GPNMB: variants seen among roughly 807,000 people sequenced by gnomAD.
GPNMB encodes the protein glycoprotein nmb, also known as transmembrane glycoprotein NMB.
In GPNMB, 71 loss-of-function variants were observed where a neutral mutation model predicts 57.3. The ratio of observed to expected loss-of-function variants is 1.24; its 90% CI spans 1.02 to 1.51. GPNMB has a LOEUF of 1.51. Ranked by LOEUF, GPNMB falls within the 40% of genes most tolerant of loss-of-function variation. GPNMB has a pLI of 0.00. For synonymous variants in GPNMB, 253 were observed against 263.2 expected, an observed-to-expected ratio of 0.96 and a Z score of 0.38; for missense variants, 677 against 691.9, an observed-to-expected ratio of 0.98 and a Z score of 0.24.
In GPNMB at chr7:23,260,479, A is replaced by G; in HGVS notation, c.724A>G (p.Met242Val). 1.2e-6 allele frequency: 2 copies of G among 1,613,050 alleles called. No individual in the cohort carries two copies. The highest frequency in any genetic ancestry group is 1.1e-5 in the South Asian group (1 of 90,984). The change falls in exon 6 of 11, where the codon ATG becomes GTG. Residue 242 changes from methionine to valine, a missense_variant. Met to Val is a conservative substitution (Grantham distance 21). Coordinates refer to ENST00000258733, the MANE Select transcript of GPNMB (RefSeq NM_002510.3). Reference protein sequence around the residue: ...VTDQIPVFVTMFQKNDRNSSD... With the variant: ...VTDQIPVFVTVFQKNDRNSSD... ...AGATCAGATTCCTGTGTTTGTGACT[A>G]TGTTCCAGAAGAACGATCGAAATTC...
intron 1 of GPNMB, among the ~76,000 whole-genome samples, chr7:23,252,615 G>A (rs897587001): frequency 3.3e-5 from 5 of 152,132 alleles, no homozygotes; most frequent in Admixed American, 2.0e-4. Context: ...AATACATACA[G>A]CAAAAACTGG....
chr7:23,248,619 C>T (rs1782591279), intron 1 of GPNMB, among the ~76,000 whole-genome samples: 1 of 152,116 alleles, frequency 6.6e-6, no homozygotes, highest in African/African-American at 2.4e-5. Context: ...AGCCCAGCCA[C>T]CACCTCTCTG....
chr7:23,255,762 A>C (rs1364579392), intron 3 of GPNMB, among the ~76,000 whole-genome samples: 2 of 152,160 alleles, frequency 1.3e-5, no homozygotes, highest in Non-Finnish European at 2.9e-5. Flanking sequence ...TTATTGATAC[A>C]TGATAATCAT....
At chr7:23,263,447 A>G (rs1237957792) in intron 6 of GPNMB, among the ~76,000 whole-genome samples, 1 of 151,932 alleles carries the variant, frequency 6.6e-6, no homozygotes, top group African/African-American at 2.4e-5. Flanking sequence ...CCCCGTCTCT[A>G]CCGAAAATAT....
chr7:23,270,072 G>A lies in GPNMB; in HGVS notation c.1326G>A (p.Val442=), dbSNP rs1450845361. The A allele has an allele frequency of 1.4e-5, 23 of 1,613,950 alleles. No individual in the cohort carries two copies. Among genetic ancestry groups the A allele is most frequent in the Non-Finnish European group, 1.9e-5 (23 of 1,179,980 alleles). Residue 442 remains valine, a synonymous_variant, in exon 9 of 11, where the codon GTG becomes GTA. Coordinates refer to ENST00000258733, the MANE Select transcript of GPNMB (RefSeq NM_002510.3). ...TGGATGAGATGTGTCTGCTGACTGT[G>A]AGACGAACCTTCAATGGGTCTGGGA... ...VDVDEMCLLT[V]RRTFNGSGTY...
At chr7:23,256,733 A>G (rs1782786702) in intron 3 of GPNMB, among the ~76,000 whole-genome samples, 159 bp from the exon 4 acceptor site, 1 of 152,264 alleles carries the variant, frequency 6.6e-6, no homozygotes, top group Non-Finnish European at 1.5e-5. Context: ...AGTCATAAGC[A>G]TACTATTGGA....
chr7:23,267,352 G>A (rs79954300), intron 7 of GPNMB, among the ~76,000 whole-genome samples: 5,478 of 152,262 alleles, frequency 0.036, 298 homozygotes, highest in African/African-American at 0.12. Flanking sequence ...CTAAGCTATG[G>A]GGGTAGATTG....
intron 4 of GPNMB, chr7:23,257,326 T>G: frequency 1.7e-6 from 1 of 590,294 alleles, no homozygotes. Flanking sequence ...ACCACTTAAT[T>G]TTTTTCTACC....
chr7:23,261,263 A>G (rs1782915441), intron 6 of GPNMB, among the ~76,000 whole-genome samples: 2 of 152,274 alleles, frequency 1.3e-5, no homozygotes, highest in South Asian at 4.1e-4. Flanking sequence ...TCCAAGAAAG[A>G]ATGTAGCTTG....
intron 3 of GPNMB, among the ~76,000 whole-genome samples, chr7:23,255,187 T>A (rs943630659): frequency 1.3e-5 from 2 of 152,084 alleles, no homozygotes; most frequent in African/African-American, 2.4e-5. Flanking sequence ...CTCAGCTAAT[T>A]TTTGTATTTT....
At chr7:23,272,796 C>T (rs922080202) in intron 9 of GPNMB, among the ~76,000 whole-genome samples, 1 of 151,778 alleles carries the variant, frequency 6.6e-6, no homozygotes, top group African/African-American at 2.4e-5. Flanking sequence ...GAAGTCCCTG[C>T]TTCTGTGAGC....
intron 3 of GPNMB, 86 bp from the exon 4 acceptor site, chr7:23,256,806 C>T (rs765260216): frequency 5.5e-6 from 6 of 1,094,090 alleles, no homozygotes; most frequent in African/African-American, 1.6e-5. Context: ...GAAAAAAATA[C>T]GAAAAAGTGT....
chr7:23,257,362 A>G, intron 4 of GPNMB: 1 of 567,554 alleles, frequency 1.8e-6, no homozygotes, highest in East Asian at 2.9e-5. Context: ...AAAAAATGCT[A>G]ACACTTATTT....
intron 6 of GPNMB, among the ~76,000 whole-genome samples, chr7:23,262,398 A>G (rs932132344): frequency 1.3e-5 from 2 of 152,076 alleles, no homozygotes; most frequent in East Asian, 3.9e-4. Flanking sequence ...AACATATACT[A>G]TATATACACA....
In GPNMB at chr7:23,274,708, C is replaced by T. The variant is rs910306992; in HGVS notation, c.*484C>T. 1 of 153,200 alleles carries T rather than the reference C, an allele frequency of 6.5e-6. No individual in the cohort carries two copies. Among genetic ancestry groups the T allele is most frequent in the African/African-American group, 2.4e-5 (1 of 41,462 alleles). 9.5% of individuals were successfully genotyped at this position (153,200 alleles called of 1,614,324 possible). ...TCATGAACTCCTGATGGAACAATAA[C>T]AGGCCCAAGCCTGTGGTATGATGTG... On this transcript the variant is annotated 3_prime_UTR_variant, in exon 11 of 11. Transcript: ENST00000258733.
chr7:23,252,160 A>C (rs950174124), intron 1 of GPNMB, among the ~76,000 whole-genome samples: 1 of 152,252 alleles, frequency 6.6e-6, no homozygotes, highest in Non-Finnish European at 1.5e-5. Flanking sequence ...AACTCCAAAG[A>C]GTACAGGAAA....
intron 6 of GPNMB, among the ~76,000 whole-genome samples, chr7:23,263,612 CAA>C (rs750640697): frequency 5.2e-4 from 33 of 62,980 alleles, no homozygotes; most frequent in Admixed American, 8.6e-4. Context: ...AACTCTGTCT[CAA>C]AAAAAAAAAA....
At chr7:23,266,655 A>G (rs1403763839) in intron 7 of GPNMB, 40 bp downstream of exon 7, 1 of 1,596,746 alleles carries the variant, frequency 6.3e-7, no homozygotes, top group Admixed American at 1.7e-5. Context: ...AGGATGCTAG[A>G]CTCCACCTAG....
At chr7:23,249,725 G>T (rs1231048842) in intron 1 of GPNMB, among the ~76,000 whole-genome samples, 1 of 152,132 alleles carries the variant, frequency 6.6e-6, no homozygotes, top group East Asian at 1.9e-4. Flanking sequence ...GGACATCTGG[G>T]TTATTTCAAT....
Sources: gnomAD v4.1 joint callset for allele counts (sites outside exome capture counted in the v4.1 genomes callset) on GRCh38, gnomAD v4.1.1 for gene constraint, MANE v1.5 for transcripts, NCBI Gene and HGNC (gene_info 2026-07-23, HGNC 2026-07-21) for gene names.